ATG7: variants seen among roughly 807,000 people sequenced by gnomAD.
ATG7 encodes the protein ubiquitin-like modifier-activating enzyme ATG7.
In ATG7, 70 loss-of-function variants were observed where a neutral mutation model predicts 82.4. The ratio of observed to expected loss-of-function variants is 0.85; its 90% CI spans 0.70 to 1.04. The LOEUF is 1.04. ATG7 is among the 50% of genes least tolerant of loss of function. The pLI is 0.00. For synonymous variants in ATG7, 287 were observed against 313.0 expected, an observed-to-expected ratio of 0.92 and a Z score of 0.88; for missense variants, 792 against 864.3, an observed-to-expected ratio of 0.92 and a Z score of 1.05.
intron 19 of ATG7, among the ~76,000 whole-genome samples, chr3:11,422,556 C>G (rs1369405665): frequency 6.6e-6 from 1 of 152,066 alleles, no homozygotes. Context: ...TTCCAGATCA[C>G]TAAAACTTTC....
chr3:11,351,571 A>G lies in ATG7; in HGVS notation c.1284+3536A>G, dbSNP rs547410706. On this transcript the variant is annotated intron_variant, in intron 14 of 20. Coordinates refer to ENST00000693202, the MANE Select transcript of ATG7 (RefSeq NM_001349232.2). ...TGCTGGGCCTGAGAGAGCAAGTCCA[A>G]CTGTTCTTGGAAACAGCCCCCTGGC... Among the ~76,000 whole-genome samples, 304 of 152,342 alleles carry G rather than the reference A, an allele frequency of 2.0e-3. 1 individual carries two copies. Among genetic ancestry groups the G allele is most frequent in the African/African-American group, 6.9e-3 (288 of 41,586 alleles).
intron 9 of ATG7, among the ~76,000 whole-genome samples, chr3:11,321,179 T>C (rs1950167315): frequency 6.6e-6 from 1 of 152,216 alleles, no homozygotes; most frequent in African/African-American, 2.4e-5. Flanking sequence ...AGTGCTGACA[T>C]GCTTGGAGGA....
chr3:11,564,744 C>T, the ATG7 span: 1 of 1,527,656 alleles, frequency 6.5e-7, no homozygotes, highest in African/African-American at 1.4e-5. Context: ...TCCATCCAGC[C>T]CAGTCCCCCA....
intron 11 of ATG7, among the ~76,000 whole-genome samples, chr3:11,335,713 T>C (rs1559417954): frequency 6.6e-6 from 1 of 152,214 alleles, no homozygotes; most frequent in Non-Finnish European, 1.5e-5. Flanking sequence ...TTTGCTTTTT[T>C]TGAGACAGAG....
At chr3:11,374,477 T>G (rs749434027) in intron 18 of ATG7, among the ~76,000 whole-genome samples, 2 of 152,152 alleles carry the variant, frequency 1.3e-5, no homozygotes, top group African/African-American at 2.4e-5. Flanking sequence ...ACTGTAAAAT[T>G]CCTAGAAGAA....
At chr3:11,359,178 A>G (rs985055936) in intron 15 of ATG7, among the ~76,000 whole-genome samples, 9 of 152,138 alleles carry the variant, frequency 5.9e-5, no homozygotes, top group African/African-American at 2.2e-4. Flanking sequence ...GAGGACAAGA[A>G]GAAGGGAGAA....
At chr3:11,543,416 G>T (rs746337874) in intron 20 of ATG7, among the ~76,000 whole-genome samples, 31 of 152,332 alleles carry the variant, frequency 2.0e-4, no homozygotes, top group Admixed American at 1.1e-3. Flanking sequence ...CTTCCCCCCT[G>T]CCTCAGCCCT....
chr3:11,308,274 T>C (rs2594967), intron 6 of ATG7, among the ~76,000 whole-genome samples: 66 of 152,296 alleles, frequency 4.3e-4, no homozygotes, highest in African/African-American at 1.6e-3. Flanking sequence ...ACGAATCTTA[T>C]CTACAAAAAC....
intron 20 of ATG7, among the ~76,000 whole-genome samples, chr3:11,536,424 C>G (rs973059565): frequency 5.9e-5 from 9 of 152,204 alleles, no homozygotes; most frequent in African/African-American, 2.2e-4. Context: ...GTTCCCACAG[C>G]AGGACCAGCT....
intron 20 of ATG7, among the ~76,000 whole-genome samples, chr3:11,546,519 A>G (rs1452015504): frequency 6.6e-6 from 1 of 152,182 alleles, no homozygotes; most frequent in Non-Finnish European, 1.5e-5. Context: ...TAACGGACAC[A>G]CAGAAATATA....
chr3:11,475,175 T>A (rs2088004441), intron 20 of ATG7, among the ~76,000 whole-genome samples: 1 of 152,106 alleles, frequency 6.6e-6, no homozygotes, highest in South Asian at 2.1e-4. Flanking sequence ...CCAGGGAATT[T>A]GGATTTGCTC....
chr3:11,427,451 A>T (rs2082459702), intron 20 of ATG7, among the ~76,000 whole-genome samples: 2 of 152,022 alleles, frequency 1.3e-5, no homozygotes, highest in African/African-American at 2.4e-5. Context: ...TTTCTCAGCT[A>T]AAATATTTTG....
At chr3:11,355,272 G>C (rs2075855841) in intron 14 of ATG7, among the ~76,000 whole-genome samples, 2 of 152,170 alleles carry the variant, frequency 1.3e-5, no homozygotes, top group African/African-American at 4.8e-5. Flanking sequence ...GCCCTTATGT[G>C]ATACCCAGAA....
chr3:11,396,878 G>A (rs1263188913), intron 19 of ATG7, among the ~76,000 whole-genome samples: 1 of 152,104 alleles, frequency 6.6e-6, no homozygotes. Flanking sequence ...CATTGTCTTG[G>A]AAGAGGTTAA....
At position 11,294,469 on chromosome 3, in the gene ATG7, C is replaced by T. The variant is rs1219087362; in HGVS notation, c.-10-4217C>T. 5.3e-5 allele frequency among the ~76,000 whole-genome samples: 8 copies of T among 152,118 alleles called. No homozygotes were observed. In the South Asian group the frequency reaches 6.2e-4, roughly 12 times the overall value. The stretch of plus-strand genomic sequence containing the variant: ...GAACTCCTAACCTCAGGCGATCCCC[C>T]GCTTTGGCCTCCCAAAGTACTAGGA... On this transcript the variant is annotated intron_variant, in intron 3 of 20. Coordinates refer to ENST00000693202, the MANE Select transcript of ATG7 (RefSeq NM_001349232.2).
intron 7 of ATG7, among the ~76,000 whole-genome samples, chr3:11,309,985 G>A (rs1948394572): frequency 6.6e-6 from 1 of 151,942 alleles, no homozygotes; most frequent in Non-Finnish European, 1.5e-5. Context: ...ACCAGCCTGG[G>A]CAACACCTTG....
At chr3:11,313,502 G>T in intron 8 of ATG7, 82 bp downstream of exon 8, 1 of 975,552 alleles carries the variant, frequency 1.0e-6, no homozygotes, top group South Asian at 1.7e-5. Context: ...AAGACAAACA[G>T]GCACTTCTCT....
At chr3:11,557,744 A>C (rs2072576473), downstream of ATG7, 1 of 152,878 alleles carries the variant, frequency 6.5e-6, no homozygotes, top group Admixed American at 6.5e-5. Context: ...TAAAACATGC[A>C]TCACGTTTAA....
At position 11,293,559 on chromosome 3, in the gene ATG7, A is replaced by AATG. The variant is rs568255264; in HGVS notation, c.-10-5125_-10-5123dup. On this transcript the variant is annotated intron_variant, in intron 3 of 20. Coordinates refer to ENST00000693202, the MANE Select transcript of ATG7 (RefSeq NM_001349232.2). ...AAAAAAAAAAAAAAGAAAGAAAGTG[A>AATG]ATGACTGGCCGGGCGGGGTGGCTCA... Among the ~76,000 whole-genome samples the AATG allele has an allele frequency of 1.2e-4, 18 of 150,156 alleles. No individual in the cohort carries two copies. The South Asian group carries it at 3.4e-3, about 28-fold the overall frequency.
Sources: gnomAD v4.1 joint callset for allele counts (sites outside exome capture counted in the v4.1 genomes callset) on GRCh38, gnomAD v4.1.1 for gene constraint, MANE v1.5 for transcripts, NCBI Gene and HGNC (gene_info 2026-07-23, HGNC 2026-07-21) for gene names.